PSMA8: variants seen among roughly 807,000 people sequenced by gnomAD.
The protein encoded by PSMA8 is proteasome 20S subunit alpha 8.
PSMA8 carries 18 observed loss-of-function variants against 32.4 expected under a neutral mutation model. The ratio of observed to expected loss-of-function variants is 0.56; its 90% CI spans 0.38 to 0.82. The LOEUF is 0.82. Ranked by LOEUF, PSMA8 falls within the 40% of genes least tolerant of loss-of-function variation. The pLI, the probability that PSMA8 is intolerant of heterozygous loss-of-function variation, is 0.00. For missense variants in PSMA8, 298 were observed against 300.7 expected (o/e 0.99, Z 0.07); for synonymous variants, 104 against 98.1 (o/e 1.06, Z -0.36).
chr18:26,191,201 C>G (rs2055399592), intron 6 of PSMA8, among the ~76,000 whole-genome samples: 1 of 152,176 alleles, frequency 6.6e-6, no homozygotes, highest in Non-Finnish European at 1.5e-5. Flanking sequence ...CTTTACATCT[C>G]TAATATCTTT....
At position 26,192,440 on chromosome 18, in the gene PSMA8, A is replaced by C. The variant is rs773731013; in HGVS notation, c.*29A>C. On this transcript the variant is annotated 3_prime_UTR_variant, in exon 7 of 7. Coordinates refer to ENST00000415576, the MANE Select transcript of PSMA8 (RefSeq NM_001025096.2). ...TTAGGATGACCACTGGGAGGTCTTA[A>C]TGTTTTGTTTTATTGTACTGCCTGA... 6.6e-7 allele frequency: 1 copy of C among 1,513,446 alleles called. No individual in the cohort carries two copies. The highest frequency in any genetic ancestry group is 1.4e-5 in the South Asian group (1 of 72,610). 93.8% of individuals were successfully genotyped at this position (1,513,446 alleles called of 1,614,324 possible).
rs1489848299 is a variant in PSMA8 at position 26,193,326 on chromosome 18, A to G, written c.*915A>G. The G allele has an allele frequency of 2.0e-5, 3 of 152,182 alleles. No individual in the cohort carries two copies. Among genetic ancestry groups the G allele is most frequent in the Non-Finnish European group, 2.9e-5 (2 of 68,032 alleles). The allele number at this position is 152,182 out of a possible 1,614,324, so 9.4% of individuals were successfully genotyped here. On this transcript the variant is annotated 3_prime_UTR_variant, in exon 7 of 7. Coordinates refer to ENST00000415576, the MANE Select transcript of PSMA8 (RefSeq NM_001025096.2). ...TGCTTAATTCCTACAGTGAGTTTAT[A>G]TTTTTGAAAATAAAAGCTAGTAAAT...
intron 1 of PSMA8, among the ~76,000 whole-genome samples, chr18:26,141,732 T>C (rs1476508973): frequency 5.4e-5 from 8 of 148,510 alleles, no homozygotes; most frequent in Non-Finnish European, 1.2e-4. Context: ...TTTTTTTTTT[T>C]TGAGAAAGAG....
chr18:26,161,355 G>A (rs1448116198), intron 4 of PSMA8, among the ~76,000 whole-genome samples: 1 of 152,190 alleles, frequency 6.6e-6, no homozygotes, highest in Non-Finnish European at 1.5e-5. Context: ...GGTACATACA[G>A]GATCTTATAG....
At chr18:26,177,870 A>G (rs1245603943) in intron 4 of PSMA8, among the ~76,000 whole-genome samples, 1 of 152,110 alleles carries the variant, frequency 6.6e-6, no homozygotes, top group Non-Finnish European at 1.5e-5. Context: ...GCCATATTGT[A>G]AAGTTATAGC....
intron 4 of PSMA8, among the ~76,000 whole-genome samples, chr18:26,172,659 A>C (rs1273369375): frequency 1.3e-5 from 2 of 152,138 alleles, no homozygotes. Flanking sequence ...ATAATAAATC[A>C]ATTTAAAAAG....
At chr18:26,160,703 A>G (rs927946862) in intron 4 of PSMA8, among the ~76,000 whole-genome samples, 1 of 152,260 alleles carries the variant, frequency 6.6e-6, no homozygotes, top group Admixed American at 6.5e-5. Context: ...CTTATGAGGT[A>G]TAGGTAGAGG....
intron 1 of PSMA8, 69 bp downstream of exon 1, chr18:26,134,136 C>T: frequency 1.8e-6 from 2 of 1,125,974 alleles, no homozygotes; most frequent in Non-Finnish European, 2.7e-6. Flanking sequence ...CCTGCTGCCC[C>T]AGCCCACCTT....
intron 6 of PSMA8, 145 bp downstream of exon 6, chr18:26,179,275 GGTTTTTTGTTT>G (rs2055289993): frequency 1.8e-6 from 1 of 555,576 alleles, no homozygotes; most frequent in South Asian, 3.5e-5. Flanking sequence ...ACCGTCTACC[GGTTTTTTGTTT>G]GTTTTTTGTG....
chr18:26,146,197 T>G (rs1364666741), intron 2 of PSMA8, among the ~76,000 whole-genome samples: 1 of 139,256 alleles, frequency 7.2e-6, no homozygotes. Context: ...TCTGATTGGG[T>G]TTTTTTTTTT....
At chr18:26,180,253 A>G (rs1378623622) in intron 6 of PSMA8, among the ~76,000 whole-genome samples, 1 of 152,202 alleles carries the variant, frequency 6.6e-6, no homozygotes, top group Non-Finnish European at 1.5e-5. Context: ...CTCAAAAAAA[A>G]TTATTTTGAA....
At chr18:26,183,058 C>A (rs1485450259) in intron 6 of PSMA8, among the ~76,000 whole-genome samples, 1 of 146,044 alleles carries the variant, frequency 6.8e-6, no homozygotes, top group African/African-American at 2.6e-5. Flanking sequence ...TGCTATCGCA[C>A]TCCAGACAGG....
intron 4 of PSMA8, among the ~76,000 whole-genome samples, chr18:26,178,457 A>G (rs866141749): frequency 7.2e-5 from 11 of 151,992 alleles, no homozygotes; most frequent in Admixed American, 5.9e-4. Context: ...TAATCAGCTG[A>G]GTGTGGTGAT....
rs748276180 is a variant in PSMA8 at position 26,151,956 on chromosome 18, A to C, written c.328A>C (p.Thr110Pro). The C allele has an allele frequency of 1.9e-6, 3 of 1,604,190 alleles. No individual in the cohort carries two copies. Among genetic ancestry groups the C allele is most frequent in the Non-Finnish European group, 2.5e-6 (3 of 1,177,158 alleles). ...VEDPVTVEYI[T>P]RFIATLKQKY... ...GGACCCAGTCACTGTAGAATACATA[A>C]CTCGCTTCATAGCAACTTTAAAGCA... Residue 110 changes from threonine to proline, a missense_variant, in exon 3 of 7, where the codon ACT becomes CCT. Thr to Pro is a conservative substitution (Grantham distance 38). Coordinates refer to ENST00000415576, the MANE Select transcript of PSMA8 (RefSeq NM_001025096.2).
chr18:26,135,975 GCA>G (rs1273236220), intron 1 of PSMA8, among the ~76,000 whole-genome samples: 1 of 152,104 alleles, frequency 6.6e-6, no homozygotes, highest in African/African-American at 2.4e-5. Flanking sequence ...TTTTTTAATG[GCA>G]CTTGATTATT....
At chr18:26,138,599 T>G (rs1463731522) in intron 1 of PSMA8, among the ~76,000 whole-genome samples, 1 of 152,224 alleles carries the variant, frequency 6.6e-6, no homozygotes, top group Non-Finnish European at 1.5e-5. Context: ...CTTCTTCTTC[T>G]TTTTTGGTCT....
At chr18:26,157,147 T>C (rs1264426370) in intron 3 of PSMA8, among the ~76,000 whole-genome samples, 2 of 151,970 alleles carry the variant, frequency 1.3e-5, no homozygotes, top group Non-Finnish European at 1.5e-5. Flanking sequence ...AAAATAGATA[T>C]GATACATAGG....
At chr18:26,179,157 G>GT (rs2055288759) in intron 6 of PSMA8, 27 bp downstream of exon 6, 1 of 1,553,582 alleles carries the variant, frequency 6.4e-7, no homozygotes, top group Non-Finnish European at 8.8e-7. Flanking sequence ...AGAGGAAAAA[G>GT]TATCTGTAGT....
intron 3 of PSMA8, among the ~76,000 whole-genome samples, chr18:26,155,979 T>TA (rs1007844011): frequency 6.6e-6 from 1 of 152,104 alleles, no homozygotes; most frequent in Admixed American, 6.5e-5. Context: ...ATAATCTTCC[T>TA]AAAAAATGGG....
Sources: allele counts gnomAD v4.1 joint callset (sites outside exome capture counted in the v4.1 genomes callset), GRCh38; gene constraint gnomAD v4.1.1; transcripts MANE v1.5; gene names NCBI Gene and HGNC (gene_info 2026-07-23, HGNC 2026-07-21).